Variants in ASIC2 observed in about 807,000 individuals in gnomAD.
ASIC2 encodes acid-sensing ion channel 2.
A neutral mutation model predicts 57.3 loss-of-function variants in ASIC2; 25 were observed. The ratio of observed to expected loss-of-function variants is 0.44; its 90% CI spans 0.32 to 0.61. The LOEUF is 0.61. Among genes scored for constraint, ASIC2 ranks in the 20% least tolerant of loss-of-function variants. The probability of loss-of-function intolerance (pLI) is 0.06; values close to 1 mark genes in which losing one functional copy is unlikely to be tolerated. For missense variants in ASIC2, 641 were observed against 738.1 expected, an observed-to-expected ratio of 0.87 and a Z score of 1.52; for synonymous variants, 319 against 307.5, an observed-to-expected ratio of 1.04 and a Z score of -0.39.
At chr17:33,727,723 C>T (rs1414437660) in intron 1 of ASIC2, among the ~76,000 whole-genome samples, 2 of 152,222 alleles carry the variant, frequency 1.3e-5, no homozygotes, top group Non-Finnish European at 2.9e-5. Flanking sequence ...CCTTTACTGT[C>T]TGCAGAACGA....
chr17:33,805,893 G>T (rs1348132863), intron 1 of ASIC2, among the ~76,000 whole-genome samples: 2 of 152,106 alleles, frequency 1.3e-5, no homozygotes, highest in Non-Finnish European at 2.9e-5. Flanking sequence ...CAAAAATATT[G>T]ATCTTGCTTA....
intron 1 of ASIC2, among the ~76,000 whole-genome samples, chr17:33,981,877 G>A (rs372996901): frequency 2.6e-5 from 4 of 152,164 alleles, no homozygotes; most frequent in African/African-American, 7.2e-5. Context: ...AGGTCACATA[G>A]CCTTGTATGA....
chr17:33,787,306 T>C (rs1911635612), intron 1 of ASIC2, among the ~76,000 whole-genome samples: 1 of 152,254 alleles, frequency 6.6e-6, no homozygotes. Flanking sequence ...AAGTGGTATC[T>C]GTGGCTGTAG....
intron 3 of ASIC2, among the ~76,000 whole-genome samples, chr17:33,078,310 T>C (rs2141955864): frequency 6.6e-6 from 1 of 152,338 alleles, no homozygotes; most frequent in Non-Finnish European, 1.5e-5. Flanking sequence ...GTCTGCACCA[T>C]GGACCCAGGC....
At chr17:33,147,761 A>T (rs531589981) in intron 1 of ASIC2, among the ~76,000 whole-genome samples, 4 of 152,098 alleles carry the variant, frequency 2.6e-5, no homozygotes, top group Non-Finnish European at 4.4e-5. Flanking sequence ...AAGCAAGGAG[A>T]CTAACATTTA....
intron 1 of ASIC2, among the ~76,000 whole-genome samples, chr17:34,111,842 G>A (rs1384132696): frequency 1.3e-5 from 2 of 152,268 alleles, no homozygotes; most frequent in Non-Finnish European, 2.9e-5. Flanking sequence ...AGTAAATTAT[G>A]AGAATTTAAC....
In ASIC2 at chr17:33,718,433, A is replaced by AT. The variant is rs1909289615; in HGVS notation, c.555+437544dup. On this transcript the variant is annotated intron_variant, in intron 1 of 9. Transcript: ENST00000359872. ...GGCCAGAGAGAACTCAAGAGAGGCG[A>AT]TGGCTCTCCCTCATCTGCCAGGTGT... 2.0e-5 allele frequency among the ~76,000 whole-genome samples: 3 copies of AT among 151,976 alleles called. No individual in the cohort carries two copies. In the South Asian group the frequency reaches 6.3e-4, roughly 32 times the overall value.
At chr17:33,643,092 A>C (rs911900265) in intron 1 of ASIC2, among the ~76,000 whole-genome samples, 3 of 152,208 alleles carry the variant, frequency 2.0e-5, no homozygotes, top group Admixed American at 6.5e-5. Flanking sequence ...TACATATTGC[A>C]GTGACCCAGC....
chr17:33,825,331 G>T (rs1193605823), intron 1 of ASIC2, among the ~76,000 whole-genome samples: 1 of 152,084 alleles, frequency 6.6e-6, no homozygotes, highest in Non-Finnish European at 1.5e-5. Context: ...TGGCGGTGGG[G>T]TGCTACCTAA....
At chr17:33,428,231 T>C (rs1911284996) in intron 1 of ASIC2, among the ~76,000 whole-genome samples, 2 of 152,194 alleles carry the variant, frequency 1.3e-5, no homozygotes, top group African/African-American at 4.8e-5. Flanking sequence ...AGATAACCAA[T>C]GCTCCTGGGG....
chr17:33,519,750 A>G (rs547895996), intron 1 of ASIC2, among the ~76,000 whole-genome samples: 5 of 152,240 alleles, frequency 3.3e-5, no homozygotes, highest in South Asian at 2.1e-4. Flanking sequence ...AGTGGGAATA[A>G]TCTCTGTGCC....
intron 1 of ASIC2, among the ~76,000 whole-genome samples, chr17:33,253,191 G>C (rs1280708573): frequency 2.6e-5 from 4 of 152,186 alleles, no homozygotes; most frequent in African/African-American, 9.7e-5. Context: ...ACAGCTCGCA[G>C]GAGACAGAGC....
chr17:33,355,072 GT>G (rs1259356544), intron 1 of ASIC2, among the ~76,000 whole-genome samples: 1 of 152,190 alleles, frequency 6.6e-6, no homozygotes, highest in African/African-American at 2.4e-5. Flanking sequence ...TATATTCGGA[GT>G]GCTAATTGGT....
At chr17:33,761,420 A>G (rs1291881803) in intron 1 of ASIC2, among the ~76,000 whole-genome samples, 2 of 152,040 alleles carry the variant, frequency 1.3e-5, no homozygotes, top group African/African-American at 2.4e-5. Flanking sequence ...GGGATGGGGG[A>G]AGGCTGCCTG....
intron 1 of ASIC2, among the ~76,000 whole-genome samples, chr17:33,621,112 C>T (rs1046158816): frequency 2.6e-5 from 4 of 152,188 alleles, no homozygotes; most frequent in African/African-American, 9.7e-5. Context: ...AGCTCCTTTC[C>T]CTAATGCAGC....
intron 1 of ASIC2, among the ~76,000 whole-genome samples, chr17:33,947,645 T>A (rs1311201627): frequency 1.3e-5 from 2 of 152,200 alleles, no homozygotes; most frequent in African/African-American, 4.8e-5. Context: ...AGCAGTCCAA[T>A]AACTCAGGAT....
chr17:34,013,375 C>T (rs1227917615), intron 1 of ASIC2, among the ~76,000 whole-genome samples: 1 of 152,182 alleles, frequency 6.6e-6, no homozygotes, highest in African/African-American at 2.4e-5. Flanking sequence ...AGGTCCTCTG[C>T]AAAGGTCTCT....
chr17:33,508,651 A>T (rs141653801), intron 1 of ASIC2, among the ~76,000 whole-genome samples: 109 of 152,328 alleles, frequency 7.2e-4, no homozygotes, highest in African/African-American at 2.4e-3. Context: ...GGTACACAGC[A>T]CACCTAAAAG....
intron 1 of ASIC2, among the ~76,000 whole-genome samples, chr17:34,135,434 C>G (rs1912098993): frequency 6.6e-6 from 1 of 152,204 alleles, no homozygotes; most frequent in Admixed American, 6.5e-5. Flanking sequence ...ACTGCTGGTT[C>G]TCTTGCTAGT....
Sources: gnomAD v4.1 joint callset for allele counts (sites outside exome capture counted in the v4.1 genomes callset) on GRCh38, gnomAD v4.1.1 for gene constraint, MANE v1.5 for transcripts, NCBI Gene and HGNC (gene_info 2026-07-23, HGNC 2026-07-21) for gene names.